FGF14: variants seen among roughly 807,000 people sequenced by gnomAD.
The protein encoded by FGF14 is fibroblast growth factor 14, also known as fibroblast growth factor homologous factor 4.
A neutral mutation model predicts 25.5 loss-of-function variants in FGF14; 5 were observed. The ratio of observed to expected loss-of-function variants is 0.20; its 90% confidence interval spans 0.10 to 0.41. The LOEUF (loss-of-function observed/expected upper bound fraction) is 0.41. Ranked by LOEUF, FGF14 falls within the 10% of genes least tolerant of loss-of-function variation. The pLI is 1.00. For synonymous variants in FGF14, 138 were observed against 118.3 expected (o/e 1.17, Z -1.08); for missense variants, 222 against 320.1 (o/e 0.69, Z 2.34).
chr13:101,850,965 C>A (rs568325304), intron 3 of FGF14, among the ~76,000 whole-genome samples: 4 of 151,784 alleles, frequency 2.6e-5, no homozygotes, highest in South Asian at 4.2e-4. Context: ...AAATAAGATG[C>A]GCATTATGGA....
chr13:101,877,913 C>T (rs2045487417), intron 1 of FGF14, among the ~76,000 whole-genome samples: 1 of 152,158 alleles, frequency 6.6e-6, no homozygotes, highest in Non-Finnish European at 1.5e-5. Context: ...TTTGATGCAT[C>T]TTCCGCATCT....
intron 1 of FGF14, among the ~76,000 whole-genome samples, chr13:101,979,781 T>C (rs1250993953): frequency 6.6e-6 from 1 of 152,154 alleles, no homozygotes; most frequent in Non-Finnish European, 1.5e-5. Flanking sequence ...CAAAACAGCT[T>C]TACATAGAAC....
intron 1 of FGF14, among the ~76,000 whole-genome samples, chr13:101,892,178 AT>A (rs917211382): frequency 3.3e-5 from 5 of 151,946 alleles, no homozygotes; most frequent in African/African-American, 9.7e-5. Context: ...CATCTTTTCA[AT>A]TTTTTTTGAT....
At chr13:101,745,044 T>C (rs1288710250) in intron 3 of FGF14, among the ~76,000 whole-genome samples, 1 of 152,100 alleles carries the variant, frequency 6.6e-6, no homozygotes, top group Non-Finnish European at 1.5e-5. Context: ...CTCCTGATTC[T>C]GTAGGGGTTC....
At chr13:102,090,090 T>C (rs2044098436) in intron 1 of FGF14, among the ~76,000 whole-genome samples, 1 of 152,196 alleles carries the variant, frequency 6.6e-6, no homozygotes, top group Admixed American at 6.5e-5. Context: ...AAAAACTACC[T>C]AGATAAAAAG....
At chr13:101,939,484 C>G (rs1280435056) in intron 1 of FGF14, among the ~76,000 whole-genome samples, 1 of 152,192 alleles carries the variant, frequency 6.6e-6, no homozygotes, top group Admixed American at 6.5e-5. Context: ...TTATCTCTGA[C>G]AGTAAGCCTA....
chr13:101,833,173 C>T (rs184219725), intron 3 of FGF14, among the ~76,000 whole-genome samples: 7 of 152,110 alleles, frequency 4.6e-5, no homozygotes, highest in African/African-American at 1.7e-4. Context: ...CCATTCTGCA[C>T]CTTTCTAAAC....
At chr13:102,125,589 T>C (rs541288424) in intron 1 of FGF14, among the ~76,000 whole-genome samples, 1 of 152,274 alleles carries the variant, frequency 6.6e-6, no homozygotes, top group South Asian at 2.1e-4. Flanking sequence ...CTTCTGGGGA[T>C]ATGGGATGAA....
intron 1 of FGF14, among the ~76,000 whole-genome samples, chr13:102,380,909 C>G (rs1888044673): frequency 6.6e-6 from 1 of 152,084 alleles, no homozygotes. Flanking sequence ...GGGGTTATGT[C>G]CCAATAAACC....
intron 1 of FGF14, among the ~76,000 whole-genome samples, chr13:102,066,423 A>G (rs2042906192): frequency 6.6e-6 from 1 of 152,202 alleles, no homozygotes; most frequent in African/African-American, 2.4e-5. Flanking sequence ...TAAAAGAACC[A>G]GTTAAATTAC....
At chr13:101,815,734 C>G (rs951670683) in intron 3 of FGF14, among the ~76,000 whole-genome samples, 2 of 151,964 alleles carry the variant, frequency 1.3e-5, no homozygotes, top group African/African-American at 4.8e-5. Context: ...AATACCCCCC[C>G]ACCCCATGTA....
chr13:101,778,098 T>C (rs2039249741), intron 3 of FGF14, among the ~76,000 whole-genome samples: 1 of 152,158 alleles, frequency 6.6e-6, no homozygotes, highest in African/African-American at 2.4e-5. Flanking sequence ...ATGTCTGGGA[T>C]GCTTGCTTCA....
At chr13:102,063,477 G>A (rs367782965) in intron 1 of FGF14, among the ~76,000 whole-genome samples, 57 of 152,038 alleles carry the variant, frequency 3.7e-4, no homozygotes, top group Middle Eastern at 3.4e-3. Flanking sequence ...TTAGCCAGGC[G>A]TAGTGGTGCA....
At chr13:102,259,264 T>G (rs1272199348) in intron 1 of FGF14, among the ~76,000 whole-genome samples, 1 of 152,178 alleles carries the variant, frequency 6.6e-6, no homozygotes, top group Non-Finnish European at 1.5e-5. Context: ...AGCTGCCCTG[T>G]GGACACAAAC....
chr13:101,900,497 C>G (rs1042691402), intron 1 of FGF14, among the ~76,000 whole-genome samples: 2 of 152,238 alleles, frequency 1.3e-5, no homozygotes, highest in Admixed American at 6.5e-5. Flanking sequence ...GACTTCACTA[C>G]AGATTTTATG....
At chr13:102,185,940 T>C (rs561947952) in intron 1 of FGF14, among the ~76,000 whole-genome samples, 1 of 152,300 alleles carries the variant, frequency 6.6e-6, no homozygotes, top group African/African-American at 2.4e-5. Context: ...ATAGGGCCTC[T>C]TCATGCTATT....
chr13:102,259,834 T>G (rs1370916431), intron 1 of FGF14, among the ~76,000 whole-genome samples: 2 of 152,220 alleles, frequency 1.3e-5, no homozygotes, highest in East Asian at 1.9e-4. Context: ...TGTCTCTGAT[T>G]CCAGTACTGT....
chr13:102,313,142 C>A (rs1276475097), intron 1 of FGF14, among the ~76,000 whole-genome samples: 1 of 152,206 alleles, frequency 6.6e-6, no homozygotes, highest in Non-Finnish European at 1.5e-5. Context: ...GGCCCCTCTG[C>A]AAGGTTCACA....
intron 3 of FGF14, among the ~76,000 whole-genome samples, chr13:101,850,478 A>G (rs2043721638): frequency 3.2e-4 from 1 of 3,166 alleles, no homozygotes; most frequent in African/African-American, 1.5e-3. Flanking sequence ...ATATATATAT[A>G]TATATATATA....
Sources: gnomAD v4.1 joint callset for allele counts (sites outside exome capture counted in the v4.1 genomes callset) on GRCh38, gnomAD v4.1.1 for gene constraint, MANE v1.5 for transcripts, NCBI Gene and HGNC (gene_info 2026-07-23, HGNC 2026-07-21) for gene names.